SYNJ1: variants seen among roughly 807,000 people sequenced by gnomAD.
SYNJ1 encodes the protein synaptojanin 1.
A neutral mutation model predicts 168.2 loss-of-function variants in SYNJ1; 78 were observed. The observed-to-expected ratio is 0.46, with a 90% CI of 0.39 to 0.56. The LOEUF (loss-of-function observed/expected upper bound fraction) is 0.56. Among genes scored for constraint, SYNJ1 ranks in the 20% least tolerant of loss-of-function variants. The pLI is 0.00. For missense variants in SYNJ1, 1,303 were observed against 1,597.6 expected (o/e 0.82, Z 3.14); for synonymous variants, 539 against 548.6 (o/e 0.98, Z 0.24).
At chr21:32,722,864 AACT>A (rs2043298720) in intron 2 of SYNJ1, among the ~76,000 whole-genome samples, 1 of 152,206 alleles carries the variant, frequency 6.6e-6, no homozygotes, top group African/African-American at 2.4e-5. Context: ...GTTTCAAGAA[AACT>A]ACTTAGTAGC....
At chr21:32,649,695 G>T (rs2040202506) in intron 23 of SYNJ1, among the ~76,000 whole-genome samples, 1 of 152,208 alleles carries the variant, frequency 6.6e-6, no homozygotes, top group Non-Finnish European at 1.5e-5. Context: ...TGGAAGAATG[G>T]TAAATACATT....
chr21:32,697,937 G>A (rs1367738065), intron 4 of SYNJ1, among the ~76,000 whole-genome samples: 1 of 152,010 alleles, frequency 6.6e-6, no homozygotes, highest in Non-Finnish European at 1.5e-5. Flanking sequence ...AAATGAGGAG[G>A]GAAAAAAATG....
intron 7 of SYNJ1, 140 bp downstream of exon 7, chr21:32,688,166 G>A (rs1010826426): frequency 4.1e-6 from 3 of 732,358 alleles, no homozygotes; most frequent in Non-Finnish European, 6.7e-6. Context: ...GTAACACTAG[G>A]TGTCACTGTC....
At chr21:32,657,316 A>G (rs949636123) in intron 19 of SYNJ1, among the ~76,000 whole-genome samples, 196 bp from the exon 20 acceptor site, 1 of 152,228 alleles carries the variant, frequency 6.6e-6, no homozygotes, top group Non-Finnish European at 1.5e-5. Context: ...TTTATGCTTT[A>G]TTTAGTAAAA....
chr21:32,715,298 C>A (rs1350849952), intron 2 of SYNJ1, among the ~76,000 whole-genome samples: 1 of 151,992 alleles, frequency 6.6e-6, no homozygotes, highest in Non-Finnish European at 1.5e-5. Flanking sequence ...TAAGGTGAAA[C>A]CTGTCTCTAA....
chr21:32,687,017 T>C lies in SYNJ1; in HGVS notation c.909A>G (p.Gly303=), dbSNP rs145522240. 2.5e-4 allele frequency: 388 copies of C among 1,549,554 alleles called. No individual in the cohort carries two copies. The Middle Eastern group carries it at 3.5e-3, about 14-fold the overall frequency. Residue 303 remains glycine (G), a synonymous_variant, in exon 8 of 33, where the codon GGA becomes GGG. Transcript: ENST00000674351. ...TTAGCATATGTTCACCTTCCTTAGA[T>C]CCAAGCAAATTTACTATTATTTGTT... ...YGKQIIVNLL[G]SKEGEHMLSK...
chr21:32,650,139 A>T, intron 23 of SYNJ1, 45 bp downstream of exon 23: 1 of 1,547,864 alleles, frequency 6.5e-7, no homozygotes, highest in Non-Finnish European at 8.7e-7. Flanking sequence ...ATTGGAAGAA[A>T]ACATATCTAG....
chr21:32,654,213 C>A (rs1014806064), intron 21 of SYNJ1: 5 of 152,028 alleles, frequency 3.3e-5, no homozygotes, highest in African/African-American at 1.2e-4. Flanking sequence ...TCCCCCTAAC[C>A]CCCTACTTAA....
At chr21:32,698,727 C>T (rs1218528465) in intron 4 of SYNJ1, among the ~76,000 whole-genome samples, 1 of 152,122 alleles carries the variant, frequency 6.6e-6, no homozygotes, top group African/African-American at 2.4e-5. Flanking sequence ...ATCACACTTA[C>T]CTACATAAGT....
chr21:32,704,698 A>G (rs2042540983), intron 2 of SYNJ1, among the ~76,000 whole-genome samples: 1 of 152,144 alleles, frequency 6.6e-6, no homozygotes, highest in Admixed American at 6.5e-5. Context: ...CCAGTGGGGT[A>G]AGGAGGGCAC....
chr21:32,702,048 C>T lies in SYNJ1; in HGVS notation c.125-1G>A. Reference sequence around the variant, plus strand: ...TTGATTGCCTCTTTTTCTGCAGATGCTACAAAAAAAAGTTTTAGTTTAAGA... The same window carrying T: ...TTGATTGCCTCTTTTTCTGCAGATGTTACAAAAAAAAGTTTTAGTTTAAGA... On this transcript the variant is annotated splice_acceptor_variant, in intron 2 of 32. Coordinates refer to ENST00000674351, the MANE Select transcript of SYNJ1 (RefSeq NM_203446.3). LOFTEE classifies it high-confidence loss of function. The T allele has an allele frequency of 3.9e-6, 6 of 1,544,630 alleles. No individual in the cohort carries two copies. The highest frequency in any genetic ancestry group is 5.3e-6 in the Non-Finnish European group (6 of 1,136,292).
chr21:32,707,609 C>T (rs1398257629), intron 2 of SYNJ1, among the ~76,000 whole-genome samples: 2 of 152,136 alleles, frequency 1.3e-5, no homozygotes, highest in Non-Finnish European at 2.9e-5. Flanking sequence ...ACTGGGATTA[C>T]AGGCATGAGC....
chr21:32,697,661 C>T (rs895893051), intron 4 of SYNJ1, among the ~76,000 whole-genome samples: 3 of 152,122 alleles, frequency 2.0e-5, no homozygotes, highest in Non-Finnish European at 4.4e-5. Flanking sequence ...TATTAGCCTG[C>T]GTGGTGGCGC....
chr21:32,700,099 G>A lies in SYNJ1; in HGVS notation c.218C>T (p.Thr73Ile). The A allele has an allele frequency of 1.9e-6, 3 of 1,596,082 alleles. No homozygotes were observed. The highest frequency in any genetic ancestry group is 2.6e-6 in the Non-Finnish European group (3 of 1,169,784). ...LGVLRLNLGD[T>I]MLHYLVLVTG... is the part of the protein sequence containing the mutation. ...GACTAGGACCAGATAATGTAACATA[G>A]TATCACCTGCAAAACCCAAAGATTT... The change falls in exon 4 of 33, where the codon ACT (threonine) becomes ATT (isoleucine). Residue 73 changes from threonine (T) to isoleucine (I), a missense_variant. Physicochemically the swap from Thr to Ile is moderately conservative, Grantham distance 89. Coordinates refer to ENST00000674351, the MANE Select transcript of SYNJ1 (RefSeq NM_203446.3).
Position 32,629,558 on chromosome 21 carries a change from A to G in SYNJ1, c.*2247T>C, listed in dbSNP as rs1037980163. ...CTACATATTCGTAGCCATGAACGCT[A>G]TTTTTTGATATTCCCTCAATGTACA... On this transcript the variant is annotated 3_prime_UTR_variant, in exon 33 of 33. Coordinates refer to ENST00000674351, the MANE Select transcript of SYNJ1 (RefSeq NM_203446.3). The G allele has an allele frequency of 7.2e-5, 11 of 152,614 alleles. No individual in the cohort carries two copies. The highest frequency in any genetic ancestry group is 1.0e-4 in the Non-Finnish European group (7 of 68,016). The allele number at this position is 152,614 out of a possible 1,614,324, so 9.5% of individuals were successfully genotyped here. A position where few individuals can be genotyped will look rare whatever the true frequency, so the allele number is the denominator to read the frequency against.
At chr21:32,642,206 C>T (rs775733759) in intron 27 of SYNJ1, 73 bp from the exon 28 acceptor site, 15 of 1,553,382 alleles carry the variant, frequency 9.7e-6, no homozygotes, top group Middle Eastern at 2.2e-4. Context: ...CATCAGCTTG[C>T]TGTTCTGCTT....
chr21:32,675,152 T>C (rs1240506637), intron 13 of SYNJ1, among the ~76,000 whole-genome samples: 1 of 152,198 alleles, frequency 6.6e-6, no homozygotes, highest in African/African-American at 2.4e-5. Flanking sequence ...TCACTGCTTG[T>C]TACCAATGCG....
intron 2 of SYNJ1, among the ~76,000 whole-genome samples, chr21:32,721,016 A>C (rs1312156924): frequency 6.6e-6 from 1 of 152,236 alleles, no homozygotes; most frequent in Non-Finnish European, 1.5e-5. Context: ...CTGGAGAAAG[A>C]CTAAGAACAA....
chr21:32,659,714 G>A (rs995671650), intron 18 of SYNJ1, among the ~76,000 whole-genome samples: 4 of 152,174 alleles, frequency 2.6e-5, no homozygotes, highest in Admixed American at 6.5e-5. Flanking sequence ...TTGCTCACTC[G>A]GGGAGCTCAG....
Sources: allele counts gnomAD v4.1 joint callset (sites outside exome capture counted in the v4.1 genomes callset), GRCh38; gene constraint gnomAD v4.1.1; transcripts MANE v1.5; gene names NCBI Gene and HGNC (gene_info 2026-07-23, HGNC 2026-07-21).